The following DHRSX variants were observed in gnomAD, a reference collection of about 807,000 sequenced individuals.
DHRSX encodes the protein polyprenol dehydrogenase.
Under a neutral mutation model 34.0 loss-of-function variants are expected in DHRSX, and 31 were observed. The observed-to-expected ratio is 0.91, with a 90% CI of 0.69 to 1.23. The LOEUF (loss-of-function observed/expected upper bound fraction) is 1.23. DHRSX is among the 50% of genes most tolerant of loss of function. The pLI is 0.00. For synonymous variants in DHRSX, 201 were observed against 183.8 expected (o/e 1.09, Z -0.76); for missense variants, 414 against 428.1 (o/e 0.97, Z 0.29).
intron 2 of DHRSX, among the ~76,000 whole-genome samples, chrX:2,418,380 G>A (rs1380223928): frequency 6.6e-6 from 1 of 151,406 alleles, no homozygotes; most frequent in Non-Finnish European, 1.5e-5. Flanking sequence ...AACTCAACCA[G>A]ACATCATCAG....
At chrX:2,318,860 T>C (rs974723748) in intron 3 of DHRSX, among the ~76,000 whole-genome samples, 2 of 152,108 alleles carry the variant, frequency 1.3e-5, no homozygotes, top group African/African-American at 2.4e-5. Context: ...CCCCAAATTC[T>C]TTCTTGCACA....
chrX:2,250,870 T>C (rs2016419719), intron 5 of DHRSX, among the ~76,000 whole-genome samples: 1 of 152,134 alleles, frequency 6.6e-6, no homozygotes, highest in Non-Finnish European at 1.5e-5. Flanking sequence ...GGGATTGTTT[T>C]CTGAGCCCCA....
At chrX:2,492,177 T>C (rs1370754952) in intron 1 of DHRSX, among the ~76,000 whole-genome samples, 3 of 152,134 alleles carry the variant, frequency 2.0e-5, no homozygotes. Flanking sequence ...TATGGGACCT[T>C]GTTTGGAAAA....
chrX:2,370,267 G>A (rs1361796206), intron 3 of DHRSX, among the ~76,000 whole-genome samples: 1 of 151,868 alleles, frequency 6.6e-6, no homozygotes, highest in Non-Finnish European at 1.5e-5. Context: ...CGCCTCCTGG[G>A]TTCAAGCGAT....
chrX:2,468,563 A>G (rs919848204), intron 1 of DHRSX, among the ~76,000 whole-genome samples: 13 of 151,914 alleles, frequency 8.6e-5, no homozygotes, highest in Non-Finnish European at 1.8e-4. Flanking sequence ...GAATGCGGCC[A>G]CGGGACTACT....
chrX:2,252,168 T>G (rs1302508241), intron 5 of DHRSX, among the ~76,000 whole-genome samples: 1 of 151,592 alleles, frequency 6.6e-6, no homozygotes. Flanking sequence ...ACCCGGGAGG[T>G]AGAGGTTGCA....
At chrX:2,408,121 CTT>C (rs111351764) in intron 3 of DHRSX, among the ~76,000 whole-genome samples, 13 of 146,404 alleles carry the variant, frequency 8.9e-5, no homozygotes, top group Admixed American at 6.8e-5. Flanking sequence ...TTCTTTCTTT[CTT>C]TTTTTTTTTT....
intron 5 of DHRSX, among the ~76,000 whole-genome samples, chrX:2,255,268 C>T (rs2041261179): frequency 1.3e-5 from 2 of 152,100 alleles, no homozygotes; most frequent in South Asian, 4.1e-4. Context: ...CTTGTGAATT[C>T]CAGCTGCATC....
intron 2 of DHRSX, among the ~76,000 whole-genome samples, chrX:2,418,924 C>CAG (rs2043733555): frequency 6.6e-6 from 1 of 151,402 alleles, no homozygotes; most frequent in East Asian, 1.9e-4. Context: ...TCTCAGAACC[C>CAG]CCCCTGCCCT....
intron 3 of DHRSX, among the ~76,000 whole-genome samples, chrX:2,343,851 A>AGGTGAAGT: frequency 6.6e-6 from 1 of 152,322 alleles, no homozygotes; most frequent in African/African-American, 2.4e-5. Context: ...GAAGTGTATT[A>AGGTGAAGT]GTATGTATAG....
At chrX:2,224,006 C>T (rs913924324) in intron 6 of DHRSX, among the ~76,000 whole-genome samples, 202 of 152,342 alleles carry the variant, frequency 1.3e-3, no homozygotes, top group Non-Finnish European at 2.4e-3. Flanking sequence ...GTTCCTGCTG[C>T]GCAGAAATGA....
intron 1 of DHRSX, among the ~76,000 whole-genome samples, chrX:2,496,317 G>C (rs1232465547): frequency 6.6e-6 from 1 of 152,042 alleles, no homozygotes; most frequent in Admixed American, 6.6e-5. Flanking sequence ...TCCTGCCTCA[G>C]CCTCCCAAGT....
intron 3 of DHRSX, among the ~76,000 whole-genome samples, chrX:2,393,471 C>A (rs1190347899): frequency 2.0e-5 from 3 of 150,078 alleles, no homozygotes; most frequent in Non-Finnish European, 4.4e-5. Flanking sequence ...ACACAGGGAC[C>A]TCCCCATCTC....
intron 1 of DHRSX, among the ~76,000 whole-genome samples, chrX:2,492,675 G>A (rs2045183494): frequency 1.3e-5 from 2 of 151,806 alleles, no homozygotes; most frequent in East Asian, 3.9e-4. Context: ...TGGAGACAGA[G>A]GCAGAGACTA....
chrX:2,378,796 G>T (rs927791311), intron 3 of DHRSX, among the ~76,000 whole-genome samples: 23 of 151,806 alleles, frequency 1.5e-4, no homozygotes, highest in Non-Finnish European at 2.4e-4. Flanking sequence ...TCAGCCCCCC[G>T]AGTAGCTGGG....
chrX:2,438,006 G>A (rs1215036364), intron 1 of DHRSX, among the ~76,000 whole-genome samples: 1 of 54,182 alleles, frequency 1.8e-5, no homozygotes, highest in Non-Finnish European at 3.3e-5. Context: ...GATAACCATG[G>A]GGAAAAAAAA....
In DHRSX at chrX:2,500,935, G is replaced by A. The variant is rs1226719581; in HGVS notation, c.-10C>T. The A allele has an allele frequency of 4.7e-6, 5 of 1,057,378 alleles. No individual in the cohort carries two copies. The highest frequency in any genetic ancestry group is 5.7e-6 in the Non-Finnish European group (5 of 877,844). 65.5% of individuals were successfully genotyped at this position (1,057,378 alleles called of 1,614,324 possible). ...CAGACAATGGCGACATGGCTGCCCC[G>A]GCCGCGCCGCCGCCGCTTCCGCGCC... is the stretch of plus-strand genomic sequence containing the variant. On this transcript the variant is annotated 5_prime_UTR_variant, in exon 1 of 7. Transcript: ENST00000334651.
At chrX:2,469,133 C>G (rs995228381) in intron 1 of DHRSX, among the ~76,000 whole-genome samples, 2 of 149,112 alleles carry the variant, frequency 1.3e-5, no homozygotes, top group Non-Finnish European at 3.0e-5. Context: ...CCTAACAATG[C>G]GCCCAAGGGA....
chrX:2,470,198 C>T (rs905933602), intron 1 of DHRSX, among the ~76,000 whole-genome samples: 1 of 150,510 alleles, frequency 6.6e-6, no homozygotes, highest in Admixed American at 6.7e-5. Flanking sequence ...AAGCTGAACG[C>T]ATAAACGCAG....
Sources: allele counts gnomAD v4.1 joint callset (sites outside exome capture counted in the v4.1 genomes callset), GRCh38; gene constraint gnomAD v4.1.1; transcripts MANE v1.5; gene names NCBI Gene and HGNC (gene_info 2026-07-23, HGNC 2026-07-21).